DGKB: variants seen among roughly 807,000 people sequenced by gnomAD.
DGKB encodes the protein 90 kDa diacylglycerol kinase.
A neutral mutation model predicts 114.3 loss-of-function variants in DGKB; 67 were observed. That is an observed-to-expected ratio of 0.59 (90% confidence interval 0.48 to 0.72). DGKB has a LOEUF of 0.72. DGKB is among the 30% of genes least tolerant of loss of function. The pLI is 0.00. For missense variants in DGKB, 907 were observed against 975.2 expected, an observed-to-expected ratio of 0.93 and a Z score of 0.93; for synonymous variants, 398 against 323.1, an observed-to-expected ratio of 1.23 and a Z score of -2.49.
intron 23 of DGKB, among the ~76,000 whole-genome samples, chr7:14,228,089 T>C (rs1791105932): frequency 6.6e-6 from 1 of 152,072 alleles, no homozygotes; most frequent in Non-Finnish European, 1.5e-5. Flanking sequence ...ATGGAGAATT[T>C]CTGGCTTTGA....
chr7:14,352,462 G>C (rs1813651183), intron 21 of DGKB, among the ~76,000 whole-genome samples: 1 of 151,736 alleles, frequency 6.6e-6, no homozygotes, highest in African/African-American at 2.4e-5. Flanking sequence ...AGCAAAAATG[G>C]AAAAAGTATA....
intron 20 of DGKB, among the ~76,000 whole-genome samples, chr7:14,562,010 C>A (rs561292115): frequency 6.6e-5 from 10 of 152,248 alleles, no homozygotes; most frequent in African/African-American, 2.4e-4. Flanking sequence ...TGGGCTGGGC[C>A]CAGGGCCCCC....
chr7:14,743,369 G>A (rs1002830545), intron 4 of DGKB, among the ~76,000 whole-genome samples: 11 of 152,104 alleles, frequency 7.2e-5, no homozygotes, highest in African/African-American at 2.7e-4. Flanking sequence ...ATGAGTAAAG[G>A]TTTTCCCTAT....
At chr7:14,925,701 A>T (rs2128248791) in intron 1 of DGKB, among the ~76,000 whole-genome samples, 1 of 152,232 alleles carries the variant, frequency 6.6e-6, no homozygotes, top group Non-Finnish European at 1.5e-5. Context: ...TCATATGTTC[A>T]TAATTAGTAT....
At chr7:14,825,516 T>A (rs779084358) in intron 2 of DGKB, among the ~76,000 whole-genome samples, 7 of 152,050 alleles carry the variant, frequency 4.6e-5, no homozygotes, top group Non-Finnish European at 8.8e-5. Flanking sequence ...GCATGTGCAG[T>A]TTACAATAGG....
chr7:14,182,440 T>C (rs756581411), intron 23 of DGKB, among the ~76,000 whole-genome samples: 10 of 152,104 alleles, frequency 6.6e-5, no homozygotes, highest in Non-Finnish European at 1.3e-4. Context: ...TATAACTGAC[T>C]CCCTTTTTTA....
chr7:14,780,010 T>G (rs1182086702), intron 2 of DGKB, among the ~76,000 whole-genome samples: 2 of 152,160 alleles, frequency 1.3e-5, no homozygotes, highest in Non-Finnish European at 2.9e-5. Flanking sequence ...TATATTTAAT[T>G]TTGTTGCTGG....
intron 21 of DGKB, among the ~76,000 whole-genome samples, chr7:14,470,436 G>A (rs553947188): frequency 6.6e-6 from 1 of 151,934 alleles, no homozygotes; most frequent in Admixed American, 6.6e-5. Context: ...AGGCAAAAGT[G>A]AGGTCAAATA....
chr7:14,497,911 TG>T (rs148889190), intron 20 of DGKB, among the ~76,000 whole-genome samples: 2,313 of 151,976 alleles, frequency 0.015, 27 homozygotes, highest in Non-Finnish European at 0.02. Flanking sequence ...GTGACACTCA[TG>T]GAAGGACAGC....
At chr7:14,512,533 G>A (rs1254798633) in intron 20 of DGKB, among the ~76,000 whole-genome samples, 5 of 151,936 alleles carry the variant, frequency 3.3e-5, no homozygotes, top group African/African-American at 1.2e-4. Context: ...ATCTCTTCCT[G>A]ACAACTCAGT....
At chr7:14,453,692 T>C (rs965459608) in intron 21 of DGKB, among the ~76,000 whole-genome samples, 5 of 152,176 alleles carry the variant, frequency 3.3e-5, no homozygotes, top group African/African-American at 9.6e-5. Flanking sequence ...TAGTAAACTT[T>C]CTTTGTAAAG....
chr7:14,152,390 T>C (rs181551378), intron 25 of DGKB, among the ~76,000 whole-genome samples: 1 of 152,070 alleles, frequency 6.6e-6, no homozygotes, highest in Admixed American at 6.6e-5. Context: ...AAGAGGATAC[T>C]GGGCACTCAT....
chr7:14,732,456 T>C (rs932739048), intron 5 of DGKB, among the ~76,000 whole-genome samples: 3 of 152,160 alleles, frequency 2.0e-5, no homozygotes, highest in Non-Finnish European at 4.4e-5. Context: ...GGCATTTCTT[T>C]TGTCAGTTTC....
chr7:14,361,383 T>A lies in DGKB; in HGVS notation c.1836-15992A>T, dbSNP rs555813074. Among the ~76,000 whole-genome samples, 4 of 152,164 alleles carry A rather than the reference T, an allele frequency of 2.6e-5. No homozygotes were observed. The South Asian group carries it at 6.2e-4, about 24-fold the overall frequency. On this transcript the variant is annotated intron_variant, in intron 21 of 25. Coordinates refer to ENST00000402815, the MANE Select transcript of DGKB (RefSeq NM_001350709.2). ...ATATTGAAAATATTGATATTTTTAA[T>A]CAAATTGAATAATTCTATAGTTTAA...
intron 23 of DGKB, among the ~76,000 whole-genome samples, chr7:14,308,772 A>G (rs1804886817): frequency 6.6e-6 from 1 of 152,198 alleles, no homozygotes; most frequent in African/African-American, 2.4e-5. Flanking sequence ...GCCCTTAGAG[A>G]TTATGCCAGG....
intron 1 of DGKB, among the ~76,000 whole-genome samples, chr7:14,915,627 TCAGAAACA>T (rs1267305041): frequency 6.6e-6 from 1 of 152,034 alleles, no homozygotes; most frequent in Admixed American, 6.6e-5. Flanking sequence ...GTGCCTCTAA[TCAGAAACA>T]ATGCAAGCAA....
chr7:14,739,034 C>A (rs1832155648), intron 4 of DGKB, among the ~76,000 whole-genome samples: 1 of 152,212 alleles, frequency 6.6e-6, no homozygotes, highest in East Asian at 1.9e-4. Flanking sequence ...ATGCCAAGTC[C>A]CAAGTGTATG....
At chr7:14,303,994 TTTAA>T (rs1803999654) in intron 23 of DGKB, among the ~76,000 whole-genome samples, 1 of 151,774 alleles carries the variant, frequency 6.6e-6, no homozygotes, top group African/African-American at 2.4e-5. Context: ...CTCTCTTTTA[TTTAA>T]TTTTTTAATG....
chr7:14,764,337 G>GAATGCTAA (rs895959780), intron 2 of DGKB, among the ~76,000 whole-genome samples: 3 of 151,818 alleles, frequency 2.0e-5, no homozygotes, highest in Non-Finnish European at 4.4e-5. Flanking sequence ...TGTATTAATT[G>GAATGCTAA]TTGTGCAGAC....
Sources: gnomAD v4.1 joint callset for allele counts (sites outside exome capture counted in the v4.1 genomes callset) on GRCh38, gnomAD v4.1.1 for gene constraint, MANE v1.5 for transcripts, NCBI Gene and HGNC (gene_info 2026-07-23, HGNC 2026-07-21) for gene names.